The following KRTAP4-4 variants were observed in gnomAD, a reference collection of about 807,000 sequenced individuals.
KRTAP4-4 encodes keratin-associated protein 4-4.
For missense variants in KRTAP4-4, 186 were observed against 206.9 expected, an observed-to-expected ratio of 0.90 and a Z score of 0.62; for synonymous variants, 88 against 76.4, an observed-to-expected ratio of 1.15 and a Z score of -0.79.
At position 41,160,236 on chromosome 17, in the gene KRTAP4-4, C is replaced by A. The variant is rs2014947810; in HGVS notation, c.456G>T (p.Val152=). 2 of 1,613,304 alleles carry A rather than the reference C, an allele frequency of 1.2e-6. No homozygotes were observed. The highest frequency in any genetic ancestry group is 2.7e-5 in the African/African-American group (2 of 74,666). ...CACAATGGGGCCTGTAGCACCTGGA[C>A]ACACAGCAGCTGGGGCGGCAGCAGG... The part of the protein sequence containing the change: ...RTTCCRPSCC[V]SRCYRPHCGQ... Residue 152 remains valine, a synonymous_variant, in exon 1 of 1, where the codon GTG becomes GTT. Transcript: ENST00000390661.
chr17:41,160,260 G>T lies in KRTAP4-4; in HGVS notation c.432C>A (p.Thr144=), dbSNP rs528850689. 1 of 1,613,644 alleles carries T rather than the reference G, an allele frequency of 6.2e-7. No homozygotes were observed. Among genetic ancestry groups the T allele is most frequent in the East Asian group, 2.2e-5 (1 of 44,828 alleles). ...ACACACAGCAGCTGGGGCGGCAGCA[G>T]GTGGTTCTGCAGCAGGTGGTCTGGC... ...QCCQTTCCRT[T]CCRPSCCVSR... Residue 144 remains threonine, a synonymous_variant, in exon 1 of 1, where the codon ACC becomes ACA. Coordinates refer to ENST00000390661, the MANE Select transcript of KRTAP4-4 (RefSeq NM_032524.2).
At position 41,160,137 on chromosome 17, in the gene KRTAP4-4, A is replaced by G. The variant is rs371514478; in HGVS notation, c.*54T>C. The stretch of plus-strand genomic sequence containing the variant: ...AAGGCTGGCAGCAGCTGGAAATGCA[A>G]TAGCTGGGGTGGCAGCAGGTGGTCC... On this transcript the variant is annotated 3_prime_UTR_variant, in exon 1 of 1. Coordinates refer to ENST00000390661, the MANE Select transcript of KRTAP4-4 (RefSeq NM_032524.2). 1.8e-5 allele frequency: 28 copies of G among 1,597,816 alleles called. No individual in the cohort carries two copies. The East Asian group carries it at 1.8e-4, about 10-fold the overall frequency.
rs540668740 is a variant in KRTAP4-4, at chr17:41,159,888, C to T, written c.*303G>A. ...GTTGGAACTGAAGTTTTCCAACTAG[C>T]TTCCCATAACTCAGCTCATAGATGA... On this transcript the variant is annotated 3_prime_UTR_variant, in exon 1 of 1. Coordinates refer to ENST00000390661, the MANE Select transcript of KRTAP4-4 (RefSeq NM_032524.2). 1.8e-5 allele frequency: 9 copies of T among 514,164 alleles called. No homozygotes were observed. Among genetic ancestry groups the T allele is most frequent in the African/African-American group, 1.3e-4 (7 of 52,492 alleles). The allele number at this position is 514,164 out of a possible 1,614,324, so 31.9% of individuals were successfully genotyped here.
chr17:41,160,266 T>TCTGCAGCAGGTGGTC lies in KRTAP4-4; in HGVS notation c.411_425dup (p.Thr143_Arg147dup), dbSNP rs2014949652. The TCTGCAGCAGGTGGTC allele has an allele frequency of 6.5e-7, 1 of 1,548,798 alleles. No homozygotes were observed. Among genetic ancestry groups the TCTGCAGCAGGTGGTC allele is most frequent in the African/African-American group, 1.5e-5 (1 of 66,718 alleles). On this transcript the variant is annotated inframe_insertion, in exon 1 of 1. Coordinates refer to ENST00000390661, the MANE Select transcript of KRTAP4-4 (RefSeq NM_032524.2). Reference sequence around the variant, plus strand: ...AGCAGCTGGGGCGGCAGCAGGTGGTTCTGCAGCAGGTGGTCTGGCAGCACT... The same window carrying TCTGCAGCAGGTGGTC: ...AGCAGCTGGGGCGGCAGCAGGTGGTTCTGCAGCAGGTGGTCCTGCAGCAGGTGGTCTGGCAGCACT...
chr17:41,160,194 G>T lies in KRTAP4-4; in HGVS notation c.498C>A (p.Cys166Ter). The change falls in exon 1 of 1, where the codon TGC (cysteine) becomes TGA (stop). Residue 166 changes from cysteine to a stop codon, truncating the protein, a stop_gained. Coordinates refer to ENST00000390661, the MANE Select transcript of KRTAP4-4 (RefSeq NM_032524.2). LOFTEE classifies it high-confidence loss of function. ...YRPHCGQSLCC is the reference protein window; with the variant it reads ...YRPHCGQSLC ...AGGTGGTTTGCCAGCAGATGGGCTAGCAGCATAGAGACTGGCCACAATGGG... is the reference window on the plus strand; with the variant it reads ...AGGTGGTTTGCCAGCAGATGGGCTATCAGCATAGAGACTGGCCACAATGGG... 6.2e-7 allele frequency: 1 copy of T among 1,612,950 alleles called. No individual in the cohort carries two copies. The highest frequency in any genetic ancestry group is 8.5e-7 in the Non-Finnish European group (1 of 1,179,492).
chr17:41,160,529 A>T lies in KRTAP4-4; in HGVS notation c.163T>A (p.Cys55Ser). The stretch of plus-strand genomic sequence containing the variant: ...GGGTGGCAGCAGGTGGTCCTGCAGC[A>T]GGTGGTCTGGCAGCACTGGGGTCTG... ...CCRPQCCQTTCCRTTCCHPSC... is the reference protein window; with the variant it reads ...CCRPQCCQTTSCRTTCCHPSC... The change falls in exon 1 of 1, where the codon TGC becomes AGC. Residue 55 changes from cysteine to serine, a missense_variant. Cys to Ser is a moderately radical substitution (Grantham distance 112). Transcript: ENST00000390661. The T allele has an allele frequency of 6.2e-7, 1 of 1,613,656 alleles. No individual in the cohort carries two copies. Among genetic ancestry groups the T allele is most frequent in the Non-Finnish European group, 8.5e-7 (1 of 1,179,840 alleles).
Position 41,160,154 on chromosome 17 carries a change from A to C in KRTAP4-4, c.*37T>G. The C allele has an allele frequency of 6.2e-7, 1 of 1,606,544 alleles. No individual in the cohort carries two copies. Among genetic ancestry groups the C allele is most frequent in the Non-Finnish European group, 8.5e-7 (1 of 1,175,464 alleles). On this transcript the variant is annotated 3_prime_UTR_variant, in exon 1 of 1. Transcript: ENST00000390661. ...GAAATGCAATAGCTGGGGTGGCAGC[A>C]GGTGGTCCTGTAGCAGGTGGTTTGC...
chr17:41,159,853 C>A lies in KRTAP4-4; in HGVS notation c.*338G>T. On this transcript the variant is annotated 3_prime_UTR_variant, in exon 1 of 1. Coordinates refer to ENST00000390661, the MANE Select transcript of KRTAP4-4 (RefSeq NM_032524.2). ...CATATATTTGGAGGCCAGATTCAATCTAAGAATTGGTTGGAACTGAAGTTT... is the reference window on the plus strand; with the variant it reads ...CATATATTTGGAGGCCAGATTCAATATAAGAATTGGTTGGAACTGAAGTTT... The A allele has an allele frequency of 2.4e-6, 1 of 421,378 alleles. No individual in the cohort carries two copies. Among genetic ancestry groups the A allele is most frequent in the Non-Finnish European group, 4.3e-6 (1 of 231,380 alleles). The allele number at this position is 421,378 out of a possible 1,614,324, so 26.1% of individuals were successfully genotyped here.
rs1196239417 is a variant in KRTAP4-4 at position 41,159,876 on chromosome 17, T to C, written c.*315A>G. 2.1e-6 allele frequency: 1 copy of C among 485,862 alleles called. No homozygotes were observed. Among genetic ancestry groups the C allele is most frequent in the African/African-American group, 1.9e-5 (1 of 51,730 alleles). The allele number at this position is 485,862 out of a possible 1,614,324, so 30.1% of individuals were successfully genotyped here. Reference sequence around the variant, plus strand: ...ATCTAAGAATTGGTTGGAACTGAAGTTTTCCAACTAGCTTCCCATAACTCA... The same window carrying C: ...ATCTAAGAATTGGTTGGAACTGAAGCTTTCCAACTAGCTTCCCATAACTCA... On this transcript the variant is annotated 3_prime_UTR_variant, in exon 1 of 1. Transcript: ENST00000390661.
In KRTAP4-4 at chr17:41,160,716, G is replaced by C; in HGVS notation, c.-25C>G. The C allele has an allele frequency of 6.3e-7, 1 of 1,591,068 alleles. No individual in the cohort carries two copies. Among genetic ancestry groups the C allele is most frequent in the Non-Finnish European group, 8.6e-7 (1 of 1,166,980 alleles). On this transcript the variant is annotated 5_prime_UTR_variant, in exon 1 of 1. Transcript: ENST00000390661. ...TGGTGTCAGAGGGTGGAGGTTCTGGGTGGGTTTCCAGGAAGGAGGGTTTGG... is the reference window on the plus strand; with the variant it reads ...TGGTGTCAGAGGGTGGAGGTTCTGGCTGGGTTTCCAGGAAGGAGGGTTTGG...
rs1350248439 is a variant in KRTAP4-4, at chr17:41,160,078, C to A, written c.*113G>T. On this transcript the variant is annotated 3_prime_UTR_variant, in exon 1 of 1. Coordinates refer to ENST00000390661, the MANE Select transcript of KRTAP4-4 (RefSeq NM_032524.2). Reference sequence around the variant, plus strand: ...GAGCCTGCAGCAGCTGAAGCCACAGCAGGAGGAGCTACTGCTGCTAGAGAT... The same window carrying A: ...GAGCCTGCAGCAGCTGAAGCCACAGAAGGAGGAGCTACTGCTGCTAGAGAT... 17 of 1,506,752 alleles carry A rather than the reference C, an allele frequency of 1.1e-5. No individual in the cohort carries two copies. Among genetic ancestry groups the A allele is most frequent in the Non-Finnish European group, 1.3e-5 (14 of 1,108,328 alleles). The allele number at this position is 1,506,752 out of a possible 1,614,324, so 93.3% of individuals were successfully genotyped here.
chr17:41,159,946 G>T lies in KRTAP4-4; in HGVS notation c.*245C>A, dbSNP rs1396547493. 2 of 642,584 alleles carry T rather than the reference G, an allele frequency of 3.1e-6. No individual in the cohort carries two copies. Among genetic ancestry groups the T allele is most frequent in the Non-Finnish European group, 5.5e-6 (2 of 363,452 alleles). The allele number at this position is 642,584 out of a possible 1,614,324, so 39.8% of individuals were successfully genotyped here. A position where few individuals can be genotyped will look rare whatever the true frequency, so the allele number is the denominator to read the frequency against. ...CAAGAATGCTGGTTGATGAGAATCT[G>T]GTGAGTCCAGATGACAGCCTCAGCA... On this transcript the variant is annotated 3_prime_UTR_variant, in exon 1 of 1. Coordinates refer to ENST00000390661, the MANE Select transcript of KRTAP4-4 (RefSeq NM_032524.2).
rs1295110748 is a variant in KRTAP4-4, at chr17:41,159,661, C to A, written c.*530G>T. The stretch of plus-strand genomic sequence containing the variant: ...GACACAGTATCTGTATATTTCTATG[C>A]CTGAAAATTTATTTAAGATTTATTT... On this transcript the variant is annotated 3_prime_UTR_variant, in exon 1 of 1. Coordinates refer to ENST00000390661, the MANE Select transcript of KRTAP4-4 (RefSeq NM_032524.2). 2 of 167,054 alleles carry A rather than the reference C, an allele frequency of 1.2e-5. No homozygotes were observed. Among genetic ancestry groups the A allele is most frequent in the Non-Finnish European group, 2.6e-5 (2 of 76,138 alleles). 10.3% of individuals were successfully genotyped at this position (167,054 alleles called of 1,614,324 possible).
In KRTAP4-4 at chr17:41,160,712, C is replaced by T. The variant is rs1302806180; in HGVS notation, c.-21G>A. ...ACCATGGTGTCAGAGGGTGGAGGTT[C>T]TGGGTGGGTTTCCAGGAAGGAGGGT... is the stretch of plus-strand genomic sequence containing the variant. On this transcript the variant is annotated 5_prime_UTR_variant, in exon 1 of 1. Coordinates refer to ENST00000390661, the MANE Select transcript of KRTAP4-4 (RefSeq NM_032524.2). The T allele has an allele frequency of 6.3e-7, 1 of 1,593,064 alleles. No homozygotes were observed. Among genetic ancestry groups the T allele is most frequent in the Non-Finnish European group, 8.6e-7 (1 of 1,168,014 alleles).
chr17:41,160,006 A>C lies in KRTAP4-4; in HGVS notation c.*185T>G, dbSNP rs1400726137. 1 of 975,224 alleles carries C rather than the reference A, an allele frequency of 1.0e-6. No individual in the cohort carries two copies. The highest frequency in any genetic ancestry group is 1.6e-5 in the African/African-American group (1 of 61,932). The allele number at this position is 975,224 out of a possible 1,614,324, so 60.4% of individuals were successfully genotyped here. ...ACTAGAGCAGGTTGGGCGGCAGCACATGGTCTGGCAGCAGTTGGGGCGGCA... is the reference window on the plus strand; with the variant it reads ...ACTAGAGCAGGTTGGGCGGCAGCACCTGGTCTGGCAGCAGTTGGGGCGGCA... On this transcript the variant is annotated 3_prime_UTR_variant, in exon 1 of 1. Transcript: ENST00000390661.
Position 41,160,060 on chromosome 17 carries a change from C to T in KRTAP4-4, c.*131G>A. The T allele has an allele frequency of 7.0e-7, 1 of 1,427,572 alleles. No individual in the cohort carries two copies. Among genetic ancestry groups the T allele is most frequent in the East Asian group, 2.3e-5 (1 of 43,316 alleles). The allele number at this position is 1,427,572 out of a possible 1,614,324, so 88.4% of individuals were successfully genotyped here. A position where few individuals can be genotyped will look rare whatever the true frequency, so the allele number is the denominator to read the frequency against. ...ACTGGAGATGCAGCAGGAGAGCCTG[C>T]AGCAGCTGAAGCCACAGCAGGAGGA... On this transcript the variant is annotated 3_prime_UTR_variant, in exon 1 of 1. Transcript: ENST00000390661.
Position 41,160,735 on chromosome 17 carries a change from G to A in KRTAP4-4, c.-44C>T. 1.3e-6 allele frequency: 2 copies of A among 1,578,462 alleles called. No individual in the cohort carries two copies. The highest frequency in any genetic ancestry group is 1.7e-6 in the Non-Finnish European group (2 of 1,161,122). ...TTCTGGGTGGGTTTCCAGGAAGGAG[G>A]GTTTGGAAGGCTTGGAAGTCTCCTT... is the stretch of plus-strand genomic sequence containing the variant. On this transcript the variant is annotated 5_prime_UTR_variant, in exon 1 of 1. Transcript: ENST00000390661.
rs2014940891 is a variant in KRTAP4-4 at position 41,159,898 on chromosome 17, C to G, written c.*293G>C. 2 of 550,310 alleles carry G rather than the reference C, an allele frequency of 3.6e-6. No homozygotes were observed. Among genetic ancestry groups the G allele is most frequent in the South Asian group, 4.6e-5 (2 of 43,858 alleles). The allele number at this position is 550,310 out of a possible 1,614,324, so 34.1% of individuals were successfully genotyped here. A position where few individuals can be genotyped will look rare whatever the true frequency, so the allele number is the denominator to read the frequency against. On this transcript the variant is annotated 3_prime_UTR_variant, in exon 1 of 1. Coordinates refer to ENST00000390661, the MANE Select transcript of KRTAP4-4 (RefSeq NM_032524.2). The stretch of plus-strand genomic sequence containing the variant: ...AAGTTTTCCAACTAGCTTCCCATAA[C>G]TCAGCTCATAGATGAGCTACATCAA...
chr17:41,160,304 A>T lies in KRTAP4-4; in HGVS notation c.388T>A (p.Cys130Ser). 1 of 1,613,000 alleles carries T rather than the reference A, an allele frequency of 6.2e-7. No individual in the cohort carries two copies. The highest frequency in any genetic ancestry group is 8.5e-7 in the Non-Finnish European group (1 of 1,179,684). The stretch of plus-strand genomic sequence containing the variant: ...GTCTGGCAGCACTGGGGTCTGCAGC[A>T]GCTGGACACACAGTAGCTGGGGCAG... The part of the protein sequence containing the change: ...CCCPSYCVSS[C>S]CRPQCCQTTC... The change falls in exon 1 of 1, where the codon TGC becomes AGC. Residue 130 changes from cysteine (C) to serine (S), a missense_variant. By Grantham distance (112) the Cys-to-Ser change is moderately radical (BLOSUM62 -1). Coordinates refer to ENST00000390661, the MANE Select transcript of KRTAP4-4 (RefSeq NM_032524.2).
Sources: allele counts gnomAD v4.1 joint callset, GRCh38; gene constraint gnomAD v4.1.1; transcripts MANE v1.5; gene names NCBI Gene and HGNC (gene_info 2026-07-23, HGNC 2026-07-21).